The following PDE1A variants were observed in gnomAD, a reference collection of about 807,000 sequenced individuals.
PDE1A encodes the protein phosphodiesterase 1A.
Under a neutral mutation model 61.7 loss-of-function variants are expected in PDE1A, and 35 were observed. The observed-to-expected ratio is 0.57, with a 90% CI of 0.43 to 0.75. The LOEUF (loss-of-function observed/expected upper bound fraction) is 0.75, where lower values mean the gene tolerates loss of function less well. Ranked by LOEUF, PDE1A falls within the 30% of genes least tolerant of loss-of-function variation. The probability of loss-of-function intolerance (pLI) is 0.00; values close to 1 mark genes in which losing one functional copy is unlikely to be tolerated. For synonymous variants in PDE1A, 232 were observed against 213.2 expected, an observed-to-expected ratio of 1.09 and a Z score of -0.77; for missense variants, 597 against 630.6, an observed-to-expected ratio of 0.95 and a Z score of 0.57.
the PDE1A span, among the ~76,000 whole-genome samples, chr2:182,605,947 A>AT: frequency 6.6e-6 from 1 of 152,124 alleles, no homozygotes; most frequent in Non-Finnish European, 1.5e-5. Context: ...CAGGTCTCAT[A>AT]TTTTTTTAAT....
chr2:182,577,992 G>GGAAGGAAGGAAC, the PDE1A span, among the ~76,000 whole-genome samples: 1 of 148,222 alleles, frequency 6.7e-6, no homozygotes. Context: ...AAGGAAGGAA[G>GGAAGGAAGGAAC]GGACGGAGGG....
At chr2:182,269,360 T>C (rs938139007) in intron 1 of PDE1A, among the ~76,000 whole-genome samples, 1 of 151,794 alleles carries the variant, frequency 6.6e-6, no homozygotes, top group Non-Finnish European at 1.5e-5. Context: ...TGGTGGTGCA[T>C]GCCTGTAATC....
chr2:182,451,852 C>T (rs1685545077), intron 2 of PDE1A, among the ~76,000 whole-genome samples: 7 of 152,130 alleles, frequency 4.6e-5, no homozygotes. Flanking sequence ...CTCTGCACTG[C>T]TTTCCTCCAA....
chr2:182,279,394 G>A (rs1438403622), intron 1 of PDE1A, among the ~76,000 whole-genome samples: 1 of 150,330 alleles, frequency 6.7e-6, no homozygotes, highest in Non-Finnish European at 1.5e-5. Flanking sequence ...CATCAAAACA[G>A]AATGGCTTTG....
At chr2:182,355,685 A>G (rs886431176) in intron 1 of PDE1A, among the ~76,000 whole-genome samples, 5 of 152,082 alleles carry the variant, frequency 3.3e-5, no homozygotes, top group African/African-American at 9.7e-5. Flanking sequence ...TCCTAAAAAT[A>G]GTTTCATGGT....
At position 182,451,115 on chromosome 2, in the gene PDE1A, ACGCCTGT is replaced by A. The variant is rs1331871841; in HGVS notation, c.101+71154_101+71160del. On this transcript the variant is annotated intron_variant, in intron 2 of 14. Coordinates refer to the PDE1A transcript ENST00000410103. ...TAACTAGGGCCGGGCGCGGTGGCTC[ACGCCTGT>A]AATCCCAGCACTTTGGGAGGCCGAG... Among the ~76,000 whole-genome samples, 15 of 83,556 alleles carry A rather than the reference ACGCCTGT, an allele frequency of 1.8e-4. 2 individuals carry two copies. Among genetic ancestry groups the A allele is most frequent in the East Asian group, 2.6e-3 (2 of 768 alleles). 54.8% of individuals were successfully genotyped at this position (83,556 alleles called of 152,430 possible). A position where few individuals can be genotyped will look rare whatever the true frequency, so the allele number is the denominator to read the frequency against.
chr2:182,609,979 T>C, the PDE1A span, among the ~76,000 whole-genome samples: 108 of 152,110 alleles, frequency 7.1e-4, no homozygotes, highest in African/African-American at 2.4e-3. Flanking sequence ...TCCCAGCTAC[T>C]TGGGAGGCTG....
At chr2:182,562,491 A>C in the PDE1A span, among the ~76,000 whole-genome samples, 3 of 151,598 alleles carry the variant, frequency 2.0e-5, no homozygotes, top group Admixed American at 1.3e-4. Flanking sequence ...ATCAATGTTC[A>C]TCAAGGATAT....
intron 1 of PDE1A, among the ~76,000 whole-genome samples, chr2:182,301,828 A>G (rs537240507): frequency 6.6e-6 from 1 of 152,334 alleles, no homozygotes; most frequent in South Asian, 2.1e-4. Flanking sequence ...CAGGGGCTCA[A>G]GCCCCTCAGG....
At chr2:182,380,107 T>C (rs13017441) in intron 1 of PDE1A, among the ~76,000 whole-genome samples, 73 of 32,536 alleles carry the variant, frequency 2.2e-3, no homozygotes, top group Admixed American at 0.016. Context: ...CCAGCTCCTC[T>C]TTTTTTTTTT....
At chr2:182,221,215 G>T (rs577089024) in intron 7 of PDE1A, among the ~76,000 whole-genome samples, 11 of 152,074 alleles carry the variant, frequency 7.2e-5, no homozygotes, top group Non-Finnish European at 1.6e-4. Flanking sequence ...AAGCTAGAGT[G>T]ATGATCTAAC....
intron 7 of PDE1A, among the ~76,000 whole-genome samples, chr2:182,209,787 C>T (rs949677351): frequency 5.3e-5 from 8 of 152,058 alleles, no homozygotes; most frequent in African/African-American, 1.4e-4. Context: ...TTCCTGAGGC[C>T]TCCCAGCCTC....
the PDE1A span, among the ~76,000 whole-genome samples, chr2:182,700,721 C>CAAAAAAAAAAAAAAAAAAAAA: frequency 1.4e-3 from 34 of 23,968 alleles, 2 homozygotes; most frequent in South Asian, 3.0e-3. Flanking sequence ...GACTCCATCT[C>CAAAAAAAAAAAAAAAAAAAAA]AAAAAAAAAA....
the PDE1A span, among the ~76,000 whole-genome samples, chr2:182,696,630 G>C: frequency 2.0e-5 from 3 of 152,272 alleles, no homozygotes; most frequent in South Asian, 6.2e-4. Flanking sequence ...GGGTAGTAAT[G>C]ATATGTCAAT....
Position 182,223,855 on chromosome 2 carries a change from C to T in PDE1A, c.776+9G>A. The T allele has an allele frequency of 1.3e-6, 2 of 1,506,812 alleles. No homozygotes were observed. The highest frequency in any genetic ancestry group is 9.0e-7 in the Non-Finnish European group (1 of 1,111,056). 93.3% of individuals were successfully genotyped at this position (1,506,812 alleles called of 1,614,324 possible). ...TAACTAATGAAAGTTAATACTTTTT[C>T]AGACTTACCTTGTCTGAATGTGAAA... On this transcript the variant is annotated intron_variant, in intron 7 of 13. Transcript: ENST00000351439.
chr2:182,228,944 C>T (rs930236595), intron 6 of PDE1A, among the ~76,000 whole-genome samples: 2 of 152,110 alleles, frequency 1.3e-5, no homozygotes, highest in Non-Finnish European at 1.5e-5. Context: ...TTGCTAACAA[C>T]TTTAACTTTC....
chr2:182,573,748 T>G, the PDE1A span, among the ~76,000 whole-genome samples: 2 of 151,012 alleles, frequency 1.3e-5, no homozygotes, highest in East Asian at 3.9e-4. Flanking sequence ...TCTCTGCAAT[T>G]TATTTTAAAC....
At chr2:182,362,658 T>C (rs1266099813) in intron 1 of PDE1A, among the ~76,000 whole-genome samples, 3 of 151,980 alleles carry the variant, frequency 2.0e-5, no homozygotes, top group Non-Finnish European at 4.4e-5. Context: ...TGGAAGACAA[T>C]GTAGTGATTC....
At chr2:182,460,185 T>C (rs1243178402) in intron 2 of PDE1A, among the ~76,000 whole-genome samples, 1 of 152,146 alleles carries the variant, frequency 6.6e-6, no homozygotes, top group African/African-American at 2.4e-5. Context: ...ACTATTGTTA[T>C]CTTTGTCCCT....
Sources: allele counts gnomAD v4.1 joint callset (sites outside exome capture counted in the v4.1 genomes callset), GRCh38; gene constraint gnomAD v4.1.1; transcripts MANE v1.5; gene names NCBI Gene and HGNC (gene_info 2026-07-23, HGNC 2026-07-21).